Variants in PTGIS observed in about 807,000 individuals in gnomAD.
The protein encoded by PTGIS is prostaglandin I2 synthase.
PTGIS carries 45 observed loss-of-function variants against 50.3 expected under a neutral mutation model. That is an observed-to-expected ratio of 0.90 (90% CI 0.70 to 1.15). The LOEUF (loss-of-function observed/expected upper bound fraction) is 1.15, where lower values mean the gene tolerates loss of function less well. Among genes scored for constraint, PTGIS ranks in the 50% most tolerant of loss-of-function variants. The pLI is 0.00. For synonymous variants in PTGIS, 260 were observed against 267.7 expected, an observed-to-expected ratio of 0.97 and a Z score of 0.28; for missense variants, 668 against 661.3, an observed-to-expected ratio of 1.01 and a Z score of -0.11.
intron 1 of PTGIS, among the ~76,000 whole-genome samples, chr20:49,564,296 G>A (rs1297550533): frequency 6.6e-6 from 1 of 151,774 alleles, no homozygotes; most frequent in Non-Finnish European, 1.5e-5. Context: ...CTGTTGCCCA[G>A]GCTGGAGTGC....
intron 1 of PTGIS, among the ~76,000 whole-genome samples, chr20:49,558,376 G>A (rs766267461): frequency 4.6e-5 from 7 of 152,130 alleles, no homozygotes; most frequent in Admixed American, 4.6e-4. Flanking sequence ...GCAAGAGAAC[G>A]AGACCCTGTT....
intron 1 of PTGIS, among the ~76,000 whole-genome samples, chr20:49,551,788 G>A (rs1194498294): frequency 4.1e-5 from 6 of 145,926 alleles, no homozygotes; most frequent in Non-Finnish European, 7.6e-5. Context: ...GTATGTGTGT[G>A]TATGCATGTG....
chr20:49,536,639 C>T (rs958076183), intron 5 of PTGIS, among the ~76,000 whole-genome samples: 1 of 151,938 alleles, frequency 6.6e-6, no homozygotes, highest in African/African-American at 2.4e-5. Flanking sequence ...CACCACCACG[C>T]CCAGCTAATT....
At chr20:49,539,460 A>G in intron 5 of PTGIS, 110 bp downstream of exon 5, 1 of 1,283,920 alleles carries the variant, frequency 7.8e-7, no homozygotes, top group Non-Finnish European at 1.1e-6. Context: ...CTCCCTGGGC[A>G]TTGGATGTCT....
intron 5 of PTGIS, among the ~76,000 whole-genome samples, chr20:49,533,286 T>C (rs1030158388): frequency 3.9e-5 from 6 of 152,228 alleles, no homozygotes; most frequent in African/African-American, 1.4e-4. Context: ...CATCAGACTC[T>C]GTGATTCTTT....
chr20:49,539,637 A>T lies in PTGIS; in HGVS notation c.606T>A (p.Asp202Glu), dbSNP rs773054861. Residue 202 changes from aspartate (D) to glutamate (E), a missense_variant, in exon 5 of 10, where the codon GAT becomes GAA. Physicochemically the swap from Asp to Glu is conservative, Grantham distance 45. Transcript: ENST00000244043. ...CGAGCTGGCGAAAGGTGTGGAAGAC[A>T]TCAGCTGAGTGGACGCGGTCCTGGG... The part of the protein sequence containing the change: ...SQAQDRVHSA[D>E]VFHTFRQLDR... The T allele has an allele frequency of 1.2e-6, 2 of 1,613,986 alleles. No homozygotes were observed. Among genetic ancestry groups the T allele is most frequent in the Admixed American group, 3.3e-5 (2 of 60,002 alleles).
intron 5 of PTGIS, among the ~76,000 whole-genome samples, chr20:49,525,244 G>A (rs1445111003): frequency 6.6e-6 from 1 of 152,248 alleles, no homozygotes; most frequent in Non-Finnish European, 1.5e-5. Context: ...AAACACCCCA[G>A]CATGGCCAGA....
At chr20:49,523,100 T>G (rs2122853623) in intron 6 of PTGIS, among the ~76,000 whole-genome samples, 1 of 152,312 alleles carries the variant, frequency 6.6e-6, no homozygotes, top group Non-Finnish European at 1.5e-5. Flanking sequence ...CTGGATTGGA[T>G]GCTGGACCAA....
At chr20:49,537,270 C>T (rs963723210) in intron 5 of PTGIS, among the ~76,000 whole-genome samples, 1 of 152,182 alleles carries the variant, frequency 6.6e-6, no homozygotes, top group African/African-American at 2.4e-5. Flanking sequence ...AATGGCGCCG[C>T]CCAGTGGTTC....
chr20:49,539,003 G>A (rs1601193859), intron 5 of PTGIS, among the ~76,000 whole-genome samples: 1 of 151,990 alleles, frequency 6.6e-6, no homozygotes, highest in East Asian at 1.9e-4. Context: ...TTAGATGTGT[G>A]TGCTTTCCTG....
At chr20:49,536,131 T>C (rs1290141801) in intron 5 of PTGIS, among the ~76,000 whole-genome samples, 1 of 152,238 alleles carries the variant, frequency 6.6e-6, no homozygotes, top group African/African-American at 2.4e-5. Flanking sequence ...ACTGTAGATG[T>C]GCATATTTGT....
At chr20:49,549,417 A>G (rs1472007663) in intron 2 of PTGIS, among the ~76,000 whole-genome samples, 1 of 152,228 alleles carries the variant, frequency 6.6e-6, no homozygotes, top group Non-Finnish European at 1.5e-5. Context: ...AAAGTTTAGT[A>G]CCAACACATT....
intron 3 of PTGIS, among the ~76,000 whole-genome samples, 183 bp from the exon 4 acceptor site, chr20:49,544,631 A>G (rs924957063): frequency 1.3e-5 from 2 of 152,216 alleles, no homozygotes; most frequent in Admixed American, 1.3e-4. Flanking sequence ...AATAGTTCCC[A>G]TCTGTTATAC....
Position 49,544,394 on chromosome 20 carries a change from G to A in PTGIS, c.432C>T (p.Leu144=). 6.2e-7 allele frequency: 1 copy of A among 1,614,166 alleles called. No individual in the cohort carries two copies. The highest frequency in any genetic ancestry group is 8.5e-7 in the Non-Finnish European group (1 of 1,180,036). ...QALTEAMYTN[L]HAVLLGDATE... ...TAGCATCGCCCAACAGCACTGCATG[G>A]AGGTTGGTATACATGGCTTCTGTGA... is the stretch of plus-strand genomic sequence containing the variant. The change falls in exon 4 of 10, where the codon CTC becomes CTT. Residue 144 remains leucine, a synonymous_variant. Coordinates refer to ENST00000244043, the MANE Select transcript of PTGIS (RefSeq NM_000961.4).
Position 49,507,801 on chromosome 20 carries a change from G to A in PTGIS, c.*119C>T, listed in dbSNP as rs1186675522. On this transcript the variant is annotated 3_prime_UTR_variant, in exon 10 of 10. Coordinates refer to ENST00000244043, the MANE Select transcript of PTGIS (RefSeq NM_000961.4). The stretch of plus-strand genomic sequence containing the variant: ...ACCCAGCCTTCTGGGAGAAAAGCAG[G>A]GAAGTGGTAATGCTAGCACCTGCAC... 27 of 1,361,914 alleles carry A rather than the reference G, an allele frequency of 2.0e-5. No individual in the cohort carries two copies. Among genetic ancestry groups the A allele is most frequent in the Non-Finnish European group, 2.5e-5 (25 of 982,504 alleles). The allele number at this position is 1,361,914 out of a possible 1,614,324, so 84.4% of individuals were successfully genotyped here. A position where few individuals can be genotyped will look rare whatever the true frequency, so the allele number is the denominator to read the frequency against.
intron 9 of PTGIS, among the ~76,000 whole-genome samples, chr20:49,509,300 C>T (rs1981245772): frequency 6.6e-6 from 1 of 152,222 alleles, no homozygotes; most frequent in African/African-American, 2.4e-5. Context: ...AATGATCTGA[C>T]CTGCCTAGAC....
At position 49,509,583 on chromosome 20, in the gene PTGIS, A is replaced by C. The variant is rs189335558; in HGVS notation, c.1358+1445T>G. 5.3e-5 allele frequency among the ~76,000 whole-genome samples: 8 copies of C among 152,284 alleles called. No homozygotes were observed. The East Asian group carries it at 1.5e-3, about 29-fold the overall frequency. Reference sequence around the variant, plus strand: ...GCAAGTTTCACATTTGCTCACGTGCAATTTCACTTGTGAGAAACATGAGGT... The same window carrying C: ...GCAAGTTTCACATTTGCTCACGTGCCATTTCACTTGTGAGAAACATGAGGT... On this transcript the variant is annotated intron_variant, in intron 9 of 9. Transcript: ENST00000244043.
At chr20:49,528,105 A>G (rs1981836545) in intron 5 of PTGIS, among the ~76,000 whole-genome samples, 1 of 152,174 alleles carries the variant, frequency 6.6e-6, no homozygotes, top group Non-Finnish European at 1.5e-5. Flanking sequence ...GAGCCACTGC[A>G]CTCCAGCCTG....
At chr20:49,517,146 G>A (rs1199487115) in intron 6 of PTGIS, among the ~76,000 whole-genome samples, 2 of 152,254 alleles carry the variant, frequency 1.3e-5, no homozygotes, top group Non-Finnish European at 2.9e-5. Flanking sequence ...ACAAGTCGGG[G>A]GGGCCTCCGG....
Sources: allele counts gnomAD v4.1 joint callset (sites outside exome capture counted in the v4.1 genomes callset), GRCh38; gene constraint gnomAD v4.1.1; transcripts MANE v1.5; gene names NCBI Gene and HGNC (gene_info 2026-07-23, HGNC 2026-07-21).